TTC7B: variants seen among roughly 807,000 people sequenced by gnomAD.
TTC7B encodes tetratricopeptide repeat protein 7B.
In TTC7B, 28 loss-of-function variants were observed where a neutral mutation model predicts 106.8. The ratio of observed to expected loss-of-function variants is 0.26; its 90% CI spans 0.19 to 0.36. The LOEUF (loss-of-function observed/expected upper bound fraction) is 0.36, where lower values mean the gene tolerates loss of function less well. Ranked by LOEUF, TTC7B falls within the 10% of genes least tolerant of loss-of-function variation. TTC7B has a pLI of 1.00. For synonymous variants in TTC7B, 405 were observed against 430.6 expected (o/e 0.94, Z 0.74); for missense variants, 862 against 1,076.4 (o/e 0.80, Z 2.79).
Position 90,748,392 on chromosome 14 carries a change from G to A in TTC7B, c.446-3470C>T, listed in dbSNP as rs143470116. Among the ~76,000 whole-genome samples, 311 of 152,130 alleles carry A rather than the reference G, an allele frequency of 2.0e-3. 5 individuals carry two copies. Among genetic ancestry groups the A allele is most frequent in the African/African-American group, 7.1e-3 (295 of 41,496 alleles). On this transcript the variant is annotated intron_variant, in intron 3 of 19. Coordinates refer to ENST00000328459, the MANE Select transcript of TTC7B (RefSeq NM_001010854.2). ...TGCCCAGGCTGGAGTACAGTGGCGC[G>A]ATCTTGGCTCACTGCAACCTCCACC...
Position 90,657,156 on chromosome 14 carries a change from G to A in TTC7B, c.1341+18C>T, listed in dbSNP as rs749979506. 1.2e-6 allele frequency: 2 copies of A among 1,605,304 alleles called. No individual in the cohort carries two copies. The highest frequency in any genetic ancestry group is 2.2e-5 in the South Asian group (2 of 90,868). ...CAGAGTCCTCTGCAGGAGCGGGGAG[G>A]GGGGCGCCCCTACTCACCCAGTGCA... On this transcript the variant is annotated intron_variant, in intron 11 of 19. Transcript: ENST00000328459. The surrounding 1 kb of genome is among the most constrained non-coding windows in gnomAD (Gnocchi z 4.2).
chr14:90,658,410 T>C, intron 9 of TTC7B, 23 bp from the exon 10 acceptor site: 2 of 1,605,638 alleles, frequency 1.2e-6, no homozygotes, highest in Non-Finnish European at 1.7e-6. Flanking sequence ...GAAAAACAAA[T>C]GCAGACATCT....
chr14:90,554,002 C>T (rs376294999), intron 19 of TTC7B, among the ~76,000 whole-genome samples: 8 of 152,230 alleles, frequency 5.3e-5, no homozygotes, highest in African/African-American at 1.9e-4. Flanking sequence ...AACGCCAGCA[C>T]CTAGGGTGCT....
intron 19 of TTC7B, among the ~76,000 whole-genome samples, chr14:90,574,397 A>C (rs747056819): frequency 3.3e-5 from 5 of 152,190 alleles, no homozygotes; most frequent in Non-Finnish European, 7.3e-5. Context: ...ATACCTGCCC[A>C]TCCTCAGCAA....
chr14:90,771,523 G>A (rs1890862443), intron 3 of TTC7B, among the ~76,000 whole-genome samples: 1 of 152,064 alleles, frequency 6.6e-6, no homozygotes, highest in Admixed American at 6.5e-5. Flanking sequence ...TGAGCCTGGT[G>A]CAGGGGATGG....
In TTC7B at chr14:90,617,920, G is replaced by T. The variant is rs1346630715; in HGVS notation, c.1868+9C>A. 5.6e-6 allele frequency: 9 copies of T among 1,610,104 alleles called. 1 individual carries two copies. In the Admixed American group the frequency reaches 1.3e-4, roughly 24 times the overall value. ...AAGCCACGCAAAGCAGGCCCTGCTG[G>T]CCTCTTACCTGGGGTTGGTGAGGTT... On this transcript the variant is annotated intron_variant, in intron 16 of 19. Coordinates refer to ENST00000328459, the MANE Select transcript of TTC7B (RefSeq NM_001010854.2).
intron 5 of TTC7B, among the ~76,000 whole-genome samples, chr14:90,703,752 G>T (rs919959941): frequency 1.3e-5 from 2 of 152,160 alleles, no homozygotes; most frequent in Non-Finnish European, 2.9e-5. Context: ...GGGAAGGGAG[G>T]CTCTTTGCCA....
At chr14:90,612,193 C>T (rs1892902542) in intron 16 of TTC7B, among the ~76,000 whole-genome samples, 1 of 152,166 alleles carries the variant, frequency 6.6e-6, no homozygotes, top group South Asian at 2.1e-4. Flanking sequence ...TACATCATCC[C>T]AGACATGTTT....
intron 3 of TTC7B, among the ~76,000 whole-genome samples, chr14:90,766,368 C>T (rs1373595406): frequency 6.6e-6 from 1 of 152,032 alleles, no homozygotes; most frequent in Non-Finnish European, 1.5e-5. Context: ...CAAAGAAACA[C>T]CCATTTTAAA....
At chr14:90,601,957 A>G (rs1892442446) in intron 17 of TTC7B, 1 of 342,222 alleles carries the variant, frequency 2.9e-6, no homozygotes, top group South Asian at 2.3e-5. Context: ...CTGGCAGGGA[A>G]ATCTCTTTTA....
intron 18 of TTC7B, among the ~76,000 whole-genome samples, chr14:90,580,204 C>T (rs1891431376): frequency 6.6e-6 from 1 of 150,536 alleles, no homozygotes; most frequent in Non-Finnish European, 1.5e-5. Flanking sequence ...GTGCCTGGCA[C>T]ATAGTCAGAG....
chr14:90,614,768 T>C (rs1893003295), intron 16 of TTC7B, among the ~76,000 whole-genome samples: 1 of 152,246 alleles, frequency 6.6e-6, no homozygotes, highest in Admixed American at 6.5e-5. Context: ...AACACATCAG[T>C]GGCCTAGTAC....
chr14:90,593,908 G>C (rs1401424618), intron 17 of TTC7B: 1 of 305,662 alleles, frequency 3.3e-6, no homozygotes, highest in Non-Finnish European at 6.0e-6. Flanking sequence ...ATACACAGCT[G>C]TGATGATACT....
At chr14:90,706,111 G>A (rs1888198097) in intron 5 of TTC7B, among the ~76,000 whole-genome samples, 1 of 151,886 alleles carries the variant, frequency 6.6e-6, no homozygotes, top group Non-Finnish European at 1.5e-5. Flanking sequence ...GAGTTACTAA[G>A]TGGTGACATT....
chr14:90,688,344 T>C (rs1007816238), intron 7 of TTC7B, among the ~76,000 whole-genome samples: 1 of 151,628 alleles, frequency 6.6e-6, no homozygotes, highest in African/African-American at 2.4e-5. Context: ...ACAAAAATTG[T>C]CCCAGCGTGG....
chr14:90,741,971 T>G (rs933297532), intron 4 of TTC7B, among the ~76,000 whole-genome samples: 1 of 152,216 alleles, frequency 6.6e-6, no homozygotes, highest in Admixed American at 6.5e-5. Flanking sequence ...AGCCAGAAAT[T>G]TGAAAATCGT....
intron 14 of TTC7B, among the ~76,000 whole-genome samples, chr14:90,645,911 C>T (rs1056346839): frequency 1.3e-5 from 2 of 152,122 alleles, no homozygotes; most frequent in African/African-American, 4.8e-5. Flanking sequence ...AGATACTGAA[C>T]AAGAAAGCTG....
At chr14:90,750,204 C>T (rs1890096252) in intron 3 of TTC7B, among the ~76,000 whole-genome samples, 1 of 152,198 alleles carries the variant, frequency 6.6e-6, no homozygotes, top group Non-Finnish European at 1.5e-5. Context: ...ATTAAAACCA[C>T]CAAAAACAAC....
At chr14:90,590,554 C>A (rs1168150012) in intron 18 of TTC7B, among the ~76,000 whole-genome samples, 1 of 152,174 alleles carries the variant, frequency 6.6e-6, no homozygotes, top group African/African-American at 2.4e-5. Context: ...AACTTATGGG[C>A]TCTGGCAGTA....
Sources: allele counts gnomAD v4.1 joint callset (sites outside exome capture counted in the v4.1 genomes callset), GRCh38; gene constraint gnomAD v4.1.1; non-coding constraint Gnocchi (gnomAD v3.1); transcripts MANE v1.5; gene names NCBI Gene and HGNC (gene_info 2026-07-23, HGNC 2026-07-21).